Variants in BACH2 observed in about 807,000 individuals in gnomAD.
BACH2 encodes transcription regulator protein BACH2.
In BACH2, 5 loss-of-function variants were observed where a neutral mutation model predicts 61.8. That is an observed-to-expected ratio of 0.08 (90% CI 0.04 to 0.17). The LOEUF (loss-of-function observed/expected upper bound fraction) is 0.17, where lower values mean the gene tolerates loss of function less well. Ranked by LOEUF, BACH2 falls within the 10% of genes least tolerant of loss-of-function variation. The probability of loss-of-function intolerance (pLI) is 1.00; values close to 1 mark genes in which losing one functional copy is unlikely to be tolerated. For missense variants in BACH2, 824 were observed against 1,091.1 expected, an observed-to-expected ratio of 0.76 and a Z score of 3.45; for synonymous variants, 446 against 440.1, an observed-to-expected ratio of 1.01 and a Z score of -0.17.
At chr6:89,962,003 G>A (rs1229536287) in intron 6 of BACH2, among the ~76,000 whole-genome samples, 1 of 152,090 alleles carries the variant, frequency 6.6e-6, no homozygotes, top group African/African-American at 2.4e-5. Flanking sequence ...TACTTGTCTA[G>A]ATACTCAGAA....
intron 1 of BACH2, among the ~76,000 whole-genome samples, chr6:90,290,164 T>C (rs927630727): frequency 6.6e-6 from 1 of 152,238 alleles, no homozygotes; most frequent in African/African-American, 2.4e-5. Flanking sequence ...ATTAGGAAGC[T>C]GGAGAAAAAG....
In BACH2 at chr6:89,950,758, C is replaced by G. The variant is rs749150426; in HGVS notation, c.1348G>C (p.Gly450Arg). ...AGGTCTTTGTCCAAACTGCTCACCC[C>G]AGAATAAGAATGCACCGAGGTGCTC... ...QVSTSVHSYSGVSSLDKDLSE... is the reference protein window; with the variant it reads ...QVSTSVHSYSRVSSLDKDLSE... The change falls in exon 7 of 9, where the codon GGG becomes CGG. Residue 450 changes from glycine to arginine, a missense_variant. Coordinates refer to ENST00000257749, the MANE Select transcript of BACH2 (RefSeq NM_021813.4). The surrounding 1 kb of genome is among the most constrained non-coding windows in gnomAD (Gnocchi z 5.3). 6.2e-7 allele frequency: 1 copy of G among 1,614,144 alleles called. No homozygotes were observed. Among genetic ancestry groups the G allele is most frequent in the Admixed American group, 1.7e-5 (1 of 60,030 alleles).
At chr6:90,154,868 C>T (rs929912506) in intron 4 of BACH2, among the ~76,000 whole-genome samples, 1 of 152,178 alleles carries the variant, frequency 6.6e-6, no homozygotes, top group Non-Finnish European at 1.5e-5. Context: ...TGTACAGCCA[C>T]AGACAATGGG....
At chr6:90,291,961 A>G (rs1267423311) in intron 1 of BACH2, among the ~76,000 whole-genome samples, 2 of 152,336 alleles carry the variant, frequency 1.3e-5, no homozygotes, top group South Asian at 2.1e-4. Flanking sequence ...ACATCCAGAC[A>G]GGGAAAGGAG....
intron 3 of BACH2, among the ~76,000 whole-genome samples, chr6:90,214,438 T>C (rs1478201250): frequency 2.6e-5 from 4 of 152,118 alleles, no homozygotes; most frequent in Non-Finnish European, 2.9e-5. Flanking sequence ...GACAGCCTGA[T>C]GGGTTACTTC....
intron 2 of BACH2, among the ~76,000 whole-genome samples, chr6:90,260,262 T>A (rs577786209): frequency 2.0e-5 from 3 of 152,216 alleles, no homozygotes; most frequent in African/African-American, 7.2e-5. Flanking sequence ...TTGTCATTTG[T>A]CTCAAGGCAT....
Position 89,950,927 on chromosome 6 carries a change from T to C in BACH2, c.1179A>G (p.Gly393=). The change falls in exon 7 of 9, where the codon GGA becomes GGG. Residue 393 remains glycine, a synonymous_variant. Transcript: ENST00000257749. This position sits in a 1 kb window ranked among gnomAD's most constrained non-coding sequence, Gnocchi z 5.3. ...CCTCCTTCTGGCCCACGTGGGGCTG[T>C]CCATAATTCCCTGTGAAAGGGGTGT... ...TDYTPFTGNY[G]QPHVGQKEVS... The C allele has an allele frequency of 2.5e-6, 4 of 1,578,010 alleles. No individual in the cohort carries two copies. Among genetic ancestry groups the C allele is most frequent in the Non-Finnish European group, 3.4e-6 (4 of 1,162,042 alleles).
rs1246317579 is a variant in BACH2, at chr6:89,932,414, A to G, written c.2520T>C (p.Tyr840=). 5 of 1,611,216 alleles carry G rather than the reference A, an allele frequency of 3.1e-6. No homozygotes were observed. Among genetic ancestry groups the G allele is most frequent in the Non-Finnish European group, 4.2e-6 (5 of 1,177,654 alleles). ...GGGAGGCAGAGCCGAGTCACTAGGT[A>G]TAATCTTTCCTGGGCTGTTCGTCAG... ...CTTDEQPRKD[Y]T is the part of the protein sequence containing the mutation. Residue 840 remains tyrosine, a synonymous_variant, in exon 9 of 9, where the codon TAT becomes TAC. Transcript: ENST00000257749.
At chr6:90,182,925 G>GC (rs1278132851) in intron 4 of BACH2, among the ~76,000 whole-genome samples, 1 of 152,132 alleles carries the variant, frequency 6.6e-6, no homozygotes. Context: ...TTCAGGGGGC[G>GC]CATGTGCAGG....
At chr6:90,103,233 C>A (rs1782754998) in intron 4 of BACH2, among the ~76,000 whole-genome samples, 1 of 151,546 alleles carries the variant, frequency 6.6e-6, no homozygotes, top group African/African-American at 2.4e-5. Flanking sequence ...TACCACCATG[C>A]AGTCTGAGAG....
intron 4 of BACH2, among the ~76,000 whole-genome samples, chr6:90,154,526 G>A (rs1196793008): frequency 1.3e-5 from 2 of 152,134 alleles, no homozygotes; most frequent in Non-Finnish European, 2.9e-5. Flanking sequence ...GACATGTGCT[G>A]CACAATTCAG....
At chr6:90,227,926 G>C (rs1769968881) in intron 3 of BACH2, among the ~76,000 whole-genome samples, 2 of 152,098 alleles carry the variant, frequency 1.3e-5, no homozygotes, top group Admixed American at 1.3e-4. Flanking sequence ...TTTCATACCA[G>C]CCTAGCTAGC....
At chr6:90,075,865 T>C (rs1268902763) in intron 5 of BACH2, among the ~76,000 whole-genome samples, 1 of 152,180 alleles carries the variant, frequency 6.6e-6, no homozygotes, top group African/African-American at 2.4e-5. Flanking sequence ...TGACTGTGAC[T>C]AATTCCAGAG....
At chr6:89,995,512 T>C (rs1029421510) in intron 6 of BACH2, among the ~76,000 whole-genome samples, 4 of 152,216 alleles carry the variant, frequency 2.6e-5, no homozygotes, top group African/African-American at 9.7e-5. Flanking sequence ...CCCGGGTTAC[T>C]GTGAAGACAG....
intron 4 of BACH2, among the ~76,000 whole-genome samples, chr6:90,184,350 T>C (rs1402325854): frequency 6.6e-6 from 1 of 152,154 alleles, no homozygotes; most frequent in Non-Finnish European, 1.5e-5. Context: ...CAAGGAAGAC[T>C]GATGAAAGAG....
At position 90,190,497 on chromosome 6, in the gene BACH2, T is replaced by C. The variant is rs138715914; in HGVS notation, c.-162+16072A>G. On this transcript the variant is annotated intron_variant, in intron 4 of 8. Transcript: ENST00000257749. Reference sequence around the variant, plus strand: ...CTTATCTTACAGAACAGAAAAGCAGTTGTCTATAGTAAAAACACTCCAAGT... The same window carrying C: ...CTTATCTTACAGAACAGAAAAGCAGCTGTCTATAGTAAAAACACTCCAAGT... 2.6e-5 allele frequency among the ~76,000 whole-genome samples: 4 copies of C among 152,338 alleles called. No homozygotes were observed. The East Asian group carries it at 7.7e-4, about 29-fold the overall frequency.
chr6:90,185,121 T>C (rs116405471), intron 4 of BACH2, among the ~76,000 whole-genome samples: 1 of 152,236 alleles, frequency 6.6e-6, no homozygotes, highest in African/African-American at 2.4e-5. Flanking sequence ...CATGTATGCA[T>C]AGAGCCTGAT....
intron 6 of BACH2, among the ~76,000 whole-genome samples, chr6:90,006,818 A>G (rs1777430276): frequency 6.6e-6 from 1 of 151,796 alleles, no homozygotes. Flanking sequence ...GGGTCTCCCT[A>G]TGTTGCCCAA....
At chr6:90,149,217 T>G (rs775520634) in intron 4 of BACH2, among the ~76,000 whole-genome samples, 1 of 152,204 alleles carries the variant, frequency 6.6e-6, no homozygotes, top group African/African-American at 2.4e-5. Flanking sequence ...ACAACAGAGA[T>G]ATGATAAGGG....
Sources: gnomAD v4.1 joint callset for allele counts (sites outside exome capture counted in the v4.1 genomes callset) on GRCh38, gnomAD v4.1.1 for gene constraint, Gnocchi (gnomAD v3.1) non-coding constraint, MANE v1.5 for transcripts, NCBI Gene and HGNC (gene_info 2026-07-23, HGNC 2026-07-21) for gene names.